Variants in KCNIP3 observed in about 807,000 individuals in gnomAD.
KCNIP3 encodes calsenilin.
Under a neutral mutation model 35.0 loss-of-function variants are expected in KCNIP3, and 28 were observed. That is an observed-to-expected ratio of 0.80 (90% confidence interval 0.59 to 1.10). The LOEUF (loss-of-function observed/expected upper bound fraction) is 1.10, where lower values mean the gene tolerates loss of function less well. KCNIP3 is among the 50% of genes least tolerant of loss of function. The probability of loss-of-function intolerance (pLI) is 0.00; values close to 1 mark genes in which losing one functional copy is unlikely to be tolerated. For missense variants in KCNIP3, 295 were observed against 338.4 expected (o/e 0.87, Z 1.01); for synonymous variants, 134 against 133.8 (o/e 1.00, Z -0.01).
intron 1 of KCNIP3, among the ~76,000 whole-genome samples, chr2:95,306,721 G>T (rs1030402919): frequency 6.6e-6 from 1 of 152,138 alleles, no homozygotes; most frequent in Non-Finnish European, 1.5e-5. Context: ...CTCCCGGCAG[G>T]GTTGGGGCAT....
At chr2:95,333,354 G>A (rs934532024) in intron 2 of KCNIP3, among the ~76,000 whole-genome samples, 7 of 152,172 alleles carry the variant, frequency 4.6e-5, no homozygotes, top group Non-Finnish European at 2.9e-5. Flanking sequence ...CATGAACCTA[G>A]GCCTCTTCTA....
rs940421337 is a variant in KCNIP3, at chr2:95,378,781, CACACACACACACACATATATATATAT to C, written c.448-2793_448-2768del. On this transcript the variant is annotated intron_variant, in intron 5 of 8. Transcript: ENST00000295225. This position sits in a 1 kb window ranked among gnomAD's most constrained non-coding sequence, Gnocchi z 4.0. ...CAAAAACAAAATATATATATATATA[CACACACACACACACATATATATATAT>C]ACACACACACACACATATATACACA... is the stretch of plus-strand genomic sequence containing the variant. Among the ~76,000 whole-genome samples the C allele has an allele frequency of 2.5e-4, 37 of 149,034 alleles. No homozygotes were observed. Among genetic ancestry groups the C allele is most frequent in the African/African-American group, 8.6e-4 (35 of 40,492 alleles).
Position 95,376,512 on chromosome 2 carries a change from C to T in KCNIP3, c.447+1304C>T, listed in dbSNP as rs1434742385. Among the ~76,000 whole-genome samples the T allele has an allele frequency of 1.3e-5, 2 of 152,240 alleles. No individual in the cohort carries two copies. Among genetic ancestry groups the T allele is most frequent in the African/African-American group, 4.8e-5 (2 of 41,472 alleles). ...CAGGTGGCAGCCCTCTGGGCTGGGT[C>T]TGTCAGTGGCTGTGCTGTGGCCCCT... On this transcript the variant is annotated intron_variant, in intron 5 of 8. Transcript: ENST00000295225. The surrounding 1 kb of genome is among the most constrained non-coding windows in gnomAD (Gnocchi z 4.2).
In KCNIP3 at chr2:95,339,546, C is replaced by T. The variant is rs182473386; in HGVS notation, c.181+29026C>T. 2.2e-3 allele frequency among the ~76,000 whole-genome samples: 337 copies of T among 151,484 alleles called. 2 individuals carry two copies. Among genetic ancestry groups the T allele is most frequent in the African/African-American group, 7.6e-3 (312 of 41,234 alleles). On this transcript the variant is annotated intron_variant, in intron 2 of 8. Coordinates refer to ENST00000295225, the MANE Select transcript of KCNIP3 (RefSeq NM_013434.5). ...TCACAGTGAGGTGAGATTGTGCCAA[C>T]GCACTCCTGCGTGGGTGGCAGAGTA...
At chr2:95,369,614 C>CT (rs944635843) in intron 2 of KCNIP3, among the ~76,000 whole-genome samples, 12 of 150,694 alleles carry the variant, frequency 8.0e-5, no homozygotes, top group South Asian at 2.1e-4. Context: ...TCTTTTCTCT[C>CT]TTTTTTTTTC....
chr2:95,320,549 G>A (rs746840878), intron 2 of KCNIP3, among the ~76,000 whole-genome samples: 29 of 151,756 alleles, frequency 1.9e-4, no homozygotes, highest in Non-Finnish European at 2.5e-4. Flanking sequence ...CCCCTCTCCC[G>A]TGGTCTTTCT....
At chr2:95,379,722 G>A (rs747357864) in intron 5 of KCNIP3, among the ~76,000 whole-genome samples, 1 of 152,178 alleles carries the variant, frequency 6.6e-6, no homozygotes, top group Admixed American at 6.5e-5. Context: ...GTTGGGGGTC[G>A]CTTCGTTCCC....
At chr2:95,371,642 T>C (rs1181777869) in intron 2 of KCNIP3, among the ~76,000 whole-genome samples, 2 of 152,198 alleles carry the variant, frequency 1.3e-5, no homozygotes, top group African/African-American at 4.8e-5. Context: ...ATTGTGACTT[T>C]TTTGTTTCTC....
At chr2:95,350,951 G>T (rs1040955696) in intron 2 of KCNIP3, among the ~76,000 whole-genome samples, 2 of 152,216 alleles carry the variant, frequency 1.3e-5, no homozygotes, top group Non-Finnish European at 2.9e-5. Flanking sequence ...GCAGTGTTCA[G>T]TGTCATCAGG....
intron 2 of KCNIP3, among the ~76,000 whole-genome samples, chr2:95,371,666 A>T (rs1680045332): frequency 6.6e-6 from 1 of 151,942 alleles, no homozygotes; most frequent in Non-Finnish European, 1.5e-5. Context: ...TTAGTTCTGA[A>T]TTTTTTGTTT....
chr2:95,315,334 C>A (rs143839911), intron 2 of KCNIP3, among the ~76,000 whole-genome samples: 116 of 152,264 alleles, frequency 7.6e-4, no homozygotes, highest in African/African-American at 2.6e-3. Context: ...TACGGTGTTT[C>A]GTTCTCAAGC....
chr2:95,352,689 C>G (rs1679557627), intron 2 of KCNIP3, among the ~76,000 whole-genome samples: 1 of 152,156 alleles, frequency 6.6e-6, no homozygotes, highest in Admixed American at 6.5e-5. Context: ...CCCTAGTCCT[C>G]CCTCCCTTGC....
rs756362113 is a variant in KCNIP3, at chr2:95,374,927, A to T, written c.376+10A>T. On this transcript the variant is annotated intron_variant, in intron 4 of 8. Transcript: ENST00000295225. ...TTCTTCCCTCAGGGAGGTGAGTCTG[A>T]GGCAGGGCAGCCCTGCTGTGTCCCA... is the stretch of plus-strand genomic sequence containing the variant. 3.1e-6 allele frequency: 5 copies of T among 1,613,594 alleles called. No homozygotes were observed. In the South Asian group the frequency reaches 5.5e-5, roughly 18 times the overall value.
intron 2 of KCNIP3, among the ~76,000 whole-genome samples, chr2:95,346,143 C>T (rs1659239913): frequency 6.6e-6 from 1 of 152,206 alleles, no homozygotes; most frequent in Non-Finnish European, 1.5e-5. Context: ...TCAAAGGGGG[C>T]CAGCCTGGGC....
At chr2:95,341,235 T>C (rs1197613155) in intron 2 of KCNIP3, among the ~76,000 whole-genome samples, 2 of 152,176 alleles carry the variant, frequency 1.3e-5, no homozygotes, top group Admixed American at 1.3e-4. Flanking sequence ...TAAAAGTGTG[T>C]GGCACCTCCC....
intron 2 of KCNIP3, among the ~76,000 whole-genome samples, chr2:95,331,919 A>G (rs1184744916): frequency 6.6e-6 from 1 of 152,186 alleles, no homozygotes; most frequent in Non-Finnish European, 1.5e-5. Context: ...ATGAAGCCAC[A>G]TGGAAGAAGC....
At chr2:95,350,799 G>T (rs1679496837) in intron 2 of KCNIP3, among the ~76,000 whole-genome samples, 3 of 152,192 alleles carry the variant, frequency 2.0e-5, no homozygotes, top group Admixed American at 2.0e-4. Context: ...CCCACCCTGG[G>T]GCATCGAACT....
intron 2 of KCNIP3, among the ~76,000 whole-genome samples, chr2:95,317,074 A>T (rs1678475552): frequency 6.6e-6 from 1 of 152,122 alleles, no homozygotes; most frequent in South Asian, 2.1e-4. Context: ...GGGCTGAGGG[A>T]TGAGGCCAGT....
intron 2 of KCNIP3, among the ~76,000 whole-genome samples, chr2:95,340,119 C>T (rs1345551880): frequency 6.6e-6 from 1 of 152,202 alleles, no homozygotes; most frequent in African/African-American, 2.4e-5. Flanking sequence ...AGGTGGATCA[C>T]CTGAGGTCAG....
Sources: allele counts gnomAD v4.1 joint callset (sites outside exome capture counted in the v4.1 genomes callset), GRCh38; gene constraint gnomAD v4.1.1; non-coding constraint Gnocchi (gnomAD v3.1); transcripts MANE v1.5; gene names NCBI Gene and HGNC (gene_info 2026-07-23, HGNC 2026-07-21).